LARGE1: variants seen among roughly 807,000 people sequenced by gnomAD.
The protein encoded by LARGE1 is LARGE xylosyl- and glucuronyltransferase 1, also known as xylosyl- and glucuronyltransferase LARGE1.
A neutral mutation model predicts 87.6 loss-of-function variants in LARGE1; 43 were observed. That is an observed-to-expected ratio of 0.49 (90% confidence interval 0.38 to 0.63). LARGE1 has a LOEUF of 0.63. LARGE1 is among the 30% of genes least tolerant of loss of function. LARGE1 has a pLI of 0.00. For missense variants in LARGE1, 802 were observed against 1,000.2 expected (o/e 0.80, Z 2.67); for synonymous variants, 434 against 394.6 (o/e 1.10, Z -1.18).
At chr22:33,550,830 A>G (rs2077504451) in intron 6 of LARGE1, among the ~76,000 whole-genome samples, 1 of 152,252 alleles carries the variant, frequency 6.6e-6, no homozygotes, top group African/African-American at 2.4e-5. Flanking sequence ...TGTGGTATAC[A>G]GATGCATATC....
At chr22:33,583,238 CCT>C (rs1308012686) in intron 5 of LARGE1, among the ~76,000 whole-genome samples, 1 of 152,152 alleles carries the variant, frequency 6.6e-6, no homozygotes, top group African/African-American at 2.4e-5. Context: ...TCAAACCCTC[CCT>C]GTCAAGTCAG....
chr22:33,652,868 G>A (rs1042658385), intron 2 of LARGE1, among the ~76,000 whole-genome samples: 3 of 152,082 alleles, frequency 2.0e-5, no homozygotes, highest in African/African-American at 4.8e-5. Flanking sequence ...CTAAGTGCCT[G>A]GTCTTCTCCT....
chr22:33,398,080 G>C (rs1473949737), intron 7 of LARGE1, among the ~76,000 whole-genome samples: 2 of 152,014 alleles, frequency 1.3e-5, no homozygotes, highest in African/African-American at 4.8e-5. Flanking sequence ...AAGCTGACTG[G>C]AAATGAGCGA....
chr22:33,337,875 T>C (rs909897478), intron 9 of LARGE1, 74 bp from the exon 10 acceptor site: 2 of 1,488,142 alleles, frequency 1.3e-6, no homozygotes, highest in African/African-American at 1.4e-5. Context: ...TAGGAAGCCA[T>C]GGCTCAGCAC....
intron 4 of LARGE1, among the ~76,000 whole-genome samples, chr22:33,614,348 T>C (rs910253835): frequency 3.3e-5 from 5 of 152,174 alleles, no homozygotes; most frequent in Non-Finnish European, 2.9e-5. Context: ...TTTTTTCTCA[T>C]GAATATATTC....
At chr22:33,230,384 G>A (rs956080346) in intron 11 of LARGE1, among the ~76,000 whole-genome samples, 2 of 152,130 alleles carry the variant, frequency 1.3e-5, no homozygotes, top group Admixed American at 1.3e-4. Context: ...ATATTGAAGA[G>A]CAGTGGTGAG....
chr22:33,663,254 T>C (rs771158238), intron 2 of LARGE1, among the ~76,000 whole-genome samples: 2 of 152,210 alleles, frequency 1.3e-5, no homozygotes, highest in South Asian at 2.1e-4. Context: ...AAGAGCAAGA[T>C]AGATGTTTGG....
At chr22:33,626,985 T>C (rs240589) in intron 3 of LARGE1, among the ~76,000 whole-genome samples, 76,837 of 152,010 alleles carry the variant, frequency 0.51, 22,230 homozygotes, top group East Asian at 0.73. Flanking sequence ...CGTCATGACA[T>C]GTGTCTTGCA....
chr22:33,230,481 GA>G, intron 11 of LARGE1, among the ~76,000 whole-genome samples: 1 of 152,028 alleles, frequency 6.6e-6, no homozygotes, highest in Admixed American at 6.5e-5. Flanking sequence ...GAAAATCAGA[GA>G]AAAAAACAGT....
intron 11 of LARGE1, among the ~76,000 whole-genome samples, chr22:33,227,496 C>A (rs1472534965): frequency 2.6e-5 from 4 of 152,322 alleles, no homozygotes; most frequent in South Asian, 2.1e-4. Context: ...AACAGCCCTA[C>A]TAGTTTAACT....
At chr22:33,114,045 A>ATTTTTTTTTTTT in the LARGE1 span, among the ~76,000 whole-genome samples, 303 of 135,732 alleles carry the variant, frequency 2.2e-3, 4 homozygotes, top group African/African-American at 3.7e-3. Context: ...TAATTTTTCT[A>ATTTTTTTTTTTT]TTTTTTTTTT....
At chr22:33,249,388 C>CT (rs1427512665) in intron 11 of LARGE1, among the ~76,000 whole-genome samples, 4 of 152,140 alleles carry the variant, frequency 2.6e-5, no homozygotes, top group Admixed American at 1.3e-4. Flanking sequence ...AAGCTGGTTG[C>CT]TTTTTTTCTT....
At chr22:33,547,712 T>G (rs185948668) in intron 6 of LARGE1, among the ~76,000 whole-genome samples, 175 of 143,462 alleles carry the variant, frequency 1.2e-3, no homozygotes, top group Admixed American at 2.1e-3. Flanking sequence ...GAGAATTGCT[T>G]GAATCCGGGA....
At position 33,637,878 on chromosome 22, in the gene LARGE1, GT is replaced by G. The variant is rs2080314398; in HGVS notation, c.409-11553del. 2.6e-5 allele frequency among the ~76,000 whole-genome samples: 4 copies of G among 152,160 alleles called. No homozygotes were observed. The South Asian group carries it at 8.3e-4, about 32-fold the overall frequency. ...TAATAAATGCTTGACATTTTAAGTT[GT>G]TAAGTTTTGAGGGTACCTGGCTATG... is the stretch of plus-strand genomic sequence containing the variant. On this transcript the variant is annotated intron_variant, in intron 3 of 14. Coordinates refer to ENST00000397394, the MANE Select transcript of LARGE1 (RefSeq NM_133642.5).
intron 2 of LARGE1, among the ~76,000 whole-genome samples, chr22:33,713,793 C>CA (rs1163541220): frequency 6.6e-6 from 1 of 151,686 alleles, no homozygotes; most frequent in African/African-American, 2.4e-5. Context: ...ACCGTGCCTA[C>CA]AAAAAATTTA....
intron 3 of LARGE1, among the ~76,000 whole-genome samples, chr22:33,646,667 G>A (rs1005400538): frequency 6.6e-6 from 1 of 152,114 alleles, no homozygotes; most frequent in South Asian, 2.1e-4. Flanking sequence ...AAGGAACACA[G>A]GGATAAAGAA....
chr22:33,851,580 A>C (rs1325884503), intron 1 of LARGE1, among the ~76,000 whole-genome samples: 1 of 152,240 alleles, frequency 6.6e-6, no homozygotes, highest in Non-Finnish European at 1.5e-5. Context: ...GCTCCAGTTA[A>C]AGACTACCAG....
chr22:33,173,744 AG>A (rs1297892669), intron 11 of LARGE1, among the ~76,000 whole-genome samples: 1 of 152,226 alleles, frequency 6.6e-6, no homozygotes, highest in Non-Finnish European at 1.5e-5. Context: ...GAGACACAGA[AG>A]GCCATTACAT....
intron 6 of LARGE1, among the ~76,000 whole-genome samples, chr22:33,483,192 G>C (rs1196164714): frequency 6.6e-6 from 1 of 152,152 alleles, no homozygotes; most frequent in African/African-American, 2.4e-5. Flanking sequence ...AGCACTAAGG[G>C]TTACATAGCA....
Sources: gnomAD v4.1 joint callset for allele counts (sites outside exome capture counted in the v4.1 genomes callset) on GRCh38, gnomAD v4.1.1 for gene constraint, MANE v1.5 for transcripts, NCBI Gene and HGNC (gene_info 2026-07-23, HGNC 2026-07-21) for gene names.